The following CCDC102B variants were observed in gnomAD, a reference collection of about 807,000 sequenced individuals.
CCDC102B encodes coiled-coil domain-containing protein 102B.
CCDC102B carries 75 observed loss-of-function variants against 57.4 expected under a neutral mutation model. The observed-to-expected ratio is 1.31, with a 90% confidence interval of 1.08 to 1.58. The LOEUF (loss-of-function observed/expected upper bound fraction) is 1.58. Ranked by LOEUF, CCDC102B falls within the 40% of genes most tolerant of loss-of-function variation. The pLI is 0.00. For missense variants in CCDC102B, 636 were observed against 582.6 expected (o/e 1.09, Z -0.94); for synonymous variants, 206 against 201.9 (o/e 1.02, Z -0.17).
At chr18:68,906,415 T>C (rs1245275419) in intron 6 of CCDC102B, among the ~76,000 whole-genome samples, 1 of 152,228 alleles carries the variant, frequency 6.6e-6, no homozygotes, top group East Asian at 1.9e-4. Flanking sequence ...TATTCCATAA[T>C]GGCGGAACCC....
chr18:68,739,430 G>A (rs547197625), intron 2 of CCDC102B, among the ~76,000 whole-genome samples: 14 of 152,224 alleles, frequency 9.2e-5, no homozygotes, highest in South Asian at 4.1e-4. Context: ...TGCCATAGGC[G>A]TGAGCTTAGG....
At chr18:68,789,622 T>G (rs879550345) in intron 2 of CCDC102B, among the ~76,000 whole-genome samples, 4 of 146,240 alleles carry the variant, frequency 2.7e-5, no homozygotes, top group Non-Finnish European at 4.5e-5. Context: ...TTGATCGCAT[T>G]GGCTCCTGAG....
At chr18:68,792,735 C>T (rs1232346469) in intron 2 of CCDC102B, among the ~76,000 whole-genome samples, 1 of 152,138 alleles carries the variant, frequency 6.6e-6, no homozygotes, top group Non-Finnish European at 1.5e-5. Context: ...TCAGGCCTGT[C>T]TGACATCAAG....
intron 3 of CCDC102B, among the ~76,000 whole-genome samples, chr18:68,843,349 AT>A (rs1317913387): frequency 5.3e-5 from 8 of 152,188 alleles, no homozygotes; most frequent in East Asian, 1.9e-4. Flanking sequence ...TCATGATTCA[AT>A]TTTTTTCCAG....
At chr18:68,738,308 A>T (rs2033235924) in intron 2 of CCDC102B, among the ~76,000 whole-genome samples, 1 of 152,192 alleles carries the variant, frequency 6.6e-6, no homozygotes, top group Non-Finnish European at 1.5e-5. Flanking sequence ...AGCAAAGAAT[A>T]AGAATAAGAT....
intron 5 of CCDC102B, among the ~76,000 whole-genome samples, chr18:68,896,203 A>G (rs1005066912): frequency 1.3e-5 from 2 of 152,084 alleles, no homozygotes; most frequent in Admixed American, 1.3e-4. Flanking sequence ...GAAAAATTAT[A>G]GCAGACGAAT....
At chr18:68,723,973 G>A (rs1032038193) in intron 2 of CCDC102B, among the ~76,000 whole-genome samples, 2 of 152,192 alleles carry the variant, frequency 1.3e-5, no homozygotes, top group African/African-American at 4.8e-5. Context: ...ACTTCTGCCT[G>A]GACATCCAGG....
intron 6 of CCDC102B, among the ~76,000 whole-genome samples, chr18:68,990,795 A>T (rs758437471): frequency 7.9e-5 from 12 of 152,254 alleles, no homozygotes; most frequent in Non-Finnish European, 1.2e-4. Context: ...TCTTTTATAG[A>T]TATAGGTACT....
intron 6 of CCDC102B, among the ~76,000 whole-genome samples, chr18:68,974,382 T>C (rs535350647): frequency 2.0e-5 from 3 of 152,114 alleles, no homozygotes; most frequent in Admixed American, 6.6e-5. Flanking sequence ...CCTCCAGAAC[T>C]GTGAGATATT....
intron 4 of CCDC102B, among the ~76,000 whole-genome samples, chr18:68,864,455 C>T (rs1371366797): frequency 6.6e-6 from 1 of 151,806 alleles, no homozygotes; most frequent in Admixed American, 6.6e-5. Flanking sequence ...TAAAACCTGA[C>T]CTGAAGTGTA....
At chr18:68,906,829 T>A (rs886785313) in intron 6 of CCDC102B, among the ~76,000 whole-genome samples, 8 of 62,098 alleles carry the variant, frequency 1.3e-4, no homozygotes, top group Admixed American at 2.5e-4. Context: ...TTTTGACGAA[T>A]TCTATTTTTT....
intron 7 of CCDC102B, among the ~76,000 whole-genome samples, chr18:69,024,188 T>G (rs1162166055): frequency 6.6e-6 from 1 of 152,118 alleles, no homozygotes; most frequent in East Asian, 1.9e-4. Context: ...AAAATGAAAT[T>G]ACATTACTAG....
intron 3 of CCDC102B, among the ~76,000 whole-genome samples, chr18:68,846,037 C>T (rs1599556604): frequency 6.6e-6 from 1 of 151,612 alleles, no homozygotes; most frequent in East Asian, 1.9e-4. Context: ...GAGAGGCAAG[C>T]ATGAAATACA....
chr18:68,940,473 A>C (rs1460576754), intron 6 of CCDC102B, among the ~76,000 whole-genome samples: 2 of 151,868 alleles, frequency 1.3e-5, no homozygotes, highest in East Asian at 1.9e-4. Context: ...AGGTCATCTC[A>C]TGAAAGCCAC....
At chr18:68,938,008 T>C (rs1464614141) in intron 6 of CCDC102B, among the ~76,000 whole-genome samples, 1 of 152,092 alleles carries the variant, frequency 6.6e-6, no homozygotes, top group Admixed American at 6.6e-5. Context: ...AGTCTATCAA[T>C]GGTGGACATT....
intron 6 of CCDC102B, among the ~76,000 whole-genome samples, chr18:68,905,947 C>A (rs1436479242): frequency 6.6e-6 from 1 of 151,888 alleles, no homozygotes; most frequent in Admixed American, 6.6e-5. Flanking sequence ...GCGCCCGCCA[C>A]CACGCCCGGC....
intron 3 of CCDC102B, among the ~76,000 whole-genome samples, chr18:68,840,429 T>C (rs1239554135): frequency 1.3e-5 from 2 of 152,154 alleles, no homozygotes; most frequent in African/African-American, 4.8e-5. Context: ...CCAATTCCCT[T>C]TTTCAGATTC....
chr18:68,956,544 TATATAA>T (rs1238224915), intron 6 of CCDC102B, among the ~76,000 whole-genome samples: 70 of 1,802 alleles, frequency 0.039, 8 homozygotes, highest in Admixed American at 0.076. Context: ...ATATTTTATA[TATATAA>T]ATATTATATA....
intron 7 of CCDC102B, among the ~76,000 whole-genome samples, chr18:69,023,649 G>A (rs2145426152): frequency 6.6e-6 from 1 of 152,004 alleles, no homozygotes; most frequent in East Asian, 1.9e-4. Context: ...TGAGACATAA[G>A]TAAGTAAATG....
Sources: gnomAD v4.1 joint callset for allele counts (sites outside exome capture counted in the v4.1 genomes callset) on GRCh38, gnomAD v4.1.1 for gene constraint, MANE v1.5 for transcripts, NCBI Gene and HGNC (gene_info 2026-07-23, HGNC 2026-07-21) for gene names.